JAK1: variants seen among roughly 807,000 people sequenced by gnomAD.
JAK1 encodes the protein tyrosine-protein kinase JAK1.
In JAK1, 16 loss-of-function variants were observed where a neutral mutation model predicts 136.6. The ratio of observed to expected loss-of-function variants is 0.12; its 90% CI spans 0.08 to 0.18. The LOEUF is 0.18. JAK1 is among the 10% of genes least tolerant of loss of function. JAK1 has a pLI of 1.00. For synonymous variants in JAK1, 492 were observed against 519.5 expected (o/e 0.95, Z 0.72); for missense variants, 859 against 1,450.1 (o/e 0.59, Z 6.62).
intron 2 of JAK1, among the ~76,000 whole-genome samples, chr1:65,019,579 A>G (rs563537047): frequency 1.6e-4 from 25 of 152,224 alleles, no homozygotes; most frequent in Non-Finnish European, 3.1e-4. Context: ...GTACCTACAG[A>G]AAATCTGTAG....
At chr1:65,007,620 C>G (rs1004933002) in intron 2 of JAK1, among the ~76,000 whole-genome samples, 6 of 152,014 alleles carry the variant, frequency 3.9e-5, no homozygotes, top group African/African-American at 1.4e-4. Flanking sequence ...GCCACCACGC[C>G]CAGCTAATTT....
In JAK1 at chr1:65,067,135, A is replaced by C. The variant is rs150613722; in HGVS notation, c.-181+469T>G. 5.3e-5 allele frequency among the ~76,000 whole-genome samples: 8 copies of C among 151,630 alleles called. No individual in the cohort carries two copies. The East Asian group carries it at 7.9e-4, about 15-fold the overall frequency. ...CCTCGCAGTCGGTCCCGGAGTGCGG[A>C]GGCCCGGCCCGGCCCGCCCCGCGCC... On this transcript the variant is annotated intron_variant, in intron 1 of 25. Coordinates refer to the JAK1 transcript ENST00000671954.
At chr1:64,852,671 C>T (rs928386356) in intron 11 of JAK1, among the ~76,000 whole-genome samples, 2 of 152,196 alleles carry the variant, frequency 1.3e-5, no homozygotes, top group African/African-American at 4.8e-5. Context: ...CTTCAGGGAA[C>T]ATGGCACCAG....
At chr1:65,042,314 A>C (rs1179131531) in intron 2 of JAK1, among the ~76,000 whole-genome samples, 3 of 152,050 alleles carry the variant, frequency 2.0e-5, no homozygotes, top group African/African-American at 7.2e-5. Flanking sequence ...ACCTGAGGGA[A>C]TCCTGAACCA....
intron 1 of JAK1, among the ~76,000 whole-genome samples, chr1:64,907,038 G>A (rs1208346859): frequency 1.3e-5 from 2 of 150,776 alleles, no homozygotes; most frequent in African/African-American, 4.9e-5. Context: ...TGGATCCAAA[G>A]TACAGTAAAC....
intron 1 of JAK1, among the ~76,000 whole-genome samples, chr1:65,067,415 C>G (rs1000676430): frequency 1.8e-4 from 27 of 148,684 alleles, no homozygotes; most frequent in African/African-American, 6.1e-4. Context: ...CCGGCTCCGA[C>G]GCGCCGCGAG....
rs528762449 is a variant in JAK1 at position 64,983,797 on chromosome 1, C to A, written c.-78+60683G>T. Among the ~76,000 whole-genome samples, 4 of 152,296 alleles carry A rather than the reference C, an allele frequency of 2.6e-5. No homozygotes were observed. The South Asian group carries it at 8.3e-4, about 32-fold the overall frequency. ...TAATAATCCTGGACTTCAAGTAATA[C>A]TACATATAAACTATAATTTTAAAGA... On this transcript the variant is annotated intron_variant, in intron 2 of 25. Transcript: ENST00000671954.
Position 64,950,563 on chromosome 1 carries a change from G to C in JAK1, c.-78+15770C>G, listed in dbSNP as rs1012764990. 6.6e-5 allele frequency among the ~76,000 whole-genome samples: 10 copies of C among 152,262 alleles called. No homozygotes were observed. The East Asian group carries it at 1.2e-3, about 18-fold the overall frequency. On this transcript the variant is annotated intron_variant, in intron 1 of 24. Coordinates refer to ENST00000342505, the MANE Select transcript of JAK1 (RefSeq NM_002227.4). ...GAACAAACATCCACACAAGTTCAGT[G>C]CTAGCCATCCGGCCAGCCCTTGGAC...
Position 64,850,271 on chromosome 1 carries a change from G to A in JAK1, c.1755+533C>T, listed in dbSNP as rs928356802. ...CCCCTGGGGAGATCCTGGGCTCCCC[G>A]CTCAGCCTGTAGATTCTGGGCAAAA... On this transcript the variant is annotated intron_variant, in intron 12 of 24. Coordinates refer to ENST00000342505, the MANE Select transcript of JAK1 (RefSeq NM_002227.4). 4.6e-5 allele frequency among the ~76,000 whole-genome samples: 7 copies of A among 152,292 alleles called. No individual in the cohort carries two copies. The South Asian group carries it at 1.5e-3, about 32-fold the overall frequency.
intron 2 of JAK1, among the ~76,000 whole-genome samples, chr1:64,998,950 TTAAC>T (rs1217541425): frequency 6.6e-6 from 1 of 152,238 alleles, no homozygotes; most frequent in Non-Finnish European, 1.5e-5. Context: ...AGGACCAAAC[TTAAC>T]TAACAATAAC....
chr1:64,962,568 AG>A, intron 1 of JAK1, among the ~76,000 whole-genome samples: 1 of 152,320 alleles, frequency 6.6e-6, no homozygotes, highest in East Asian at 1.9e-4. Flanking sequence ...TGCACCTCAG[AG>A]GAAAGAATAC....
chr1:65,012,101 T>C (rs1043549692), intron 2 of JAK1, among the ~76,000 whole-genome samples: 2 of 152,202 alleles, frequency 1.3e-5, no homozygotes, highest in African/African-American at 4.8e-5. Flanking sequence ...CTGGCTCAGC[T>C]GAGAGACAAC....
rs945852573 is a variant in JAK1 at position 64,995,477 on chromosome 1, G to T, written c.-78+49003C>A. Among the ~76,000 whole-genome samples the T allele has an allele frequency of 2.1e-4, 32 of 152,114 alleles. 1 individual carries two copies. The highest frequency in any genetic ancestry group is 7.2e-4 in the African/African-American group (30 of 41,402). ...GGCCTTCCAACACAATAAGCCTGTAGGTATTTCAAAATCTTGACATGCCTG... is the reference window on the plus strand; with the variant it reads ...GGCCTTCCAACACAATAAGCCTGTATGTATTTCAAAATCTTGACATGCCTG... On this transcript the variant is annotated intron_variant, in intron 2 of 25. Coordinates refer to the JAK1 transcript ENST00000671954.
intron 24 of JAK1, among the ~76,000 whole-genome samples, chr1:64,835,117 T>G (rs1654389664): frequency 6.6e-6 from 1 of 152,222 alleles, no homozygotes; most frequent in African/African-American, 2.4e-5. Flanking sequence ...TTTGTCACAC[T>G]AAGGCTACAC....
Position 64,873,542 on chromosome 1 carries a change from A to T in JAK1, c.330-19T>A, listed in dbSNP as rs777279637. 6.2e-7 allele frequency: 1 copy of T among 1,614,022 alleles called. No homozygotes were observed. Among genetic ancestry groups the T allele is most frequent in the Non-Finnish European group, 8.5e-7 (1 of 1,179,898 alleles). ...ATAGAACCTGGAAGGCAGGAAAATG[A>T]ATGCCAATTGTGGCAAAGGGGACCC... On this transcript the variant is annotated intron_variant, in intron 4 of 24. Coordinates refer to ENST00000342505, the MANE Select transcript of JAK1 (RefSeq NM_002227.4).
At chr1:64,970,009 G>A (rs1294943506), upstream of JAK1, among the ~76,000 whole-genome samples, 1 of 151,778 alleles carries the variant, frequency 6.6e-6, no homozygotes, top group Non-Finnish European at 1.5e-5. Context: ...GGTGGCACAT[G>A]CCTGTGGTCC....
At chr1:64,848,021 C>G (rs1303412351) in intron 12 of JAK1, 2 of 210,556 alleles carry the variant, frequency 9.5e-6, no homozygotes, top group Non-Finnish European at 1.9e-5. Context: ...CACCCCAGGC[C>G]TCCAGAGAAG....
At chr1:65,062,343 CAGCT>C (rs1647829927) in intron 1 of JAK1, among the ~76,000 whole-genome samples, 1 of 152,196 alleles carries the variant, frequency 6.6e-6, no homozygotes, top group Non-Finnish European at 1.5e-5. Context: ...TTTTATATGC[CAGCT>C]AACTTCGGAA....
intron 2 of JAK1, among the ~76,000 whole-genome samples, chr1:65,036,094 G>A (rs952796068): frequency 4.0e-5 from 6 of 151,868 alleles, no homozygotes; most frequent in Admixed American, 3.9e-4. Context: ...GTGACAGTTT[G>A]GGATGATGAA....
Sources: allele counts gnomAD v4.1 joint callset (sites outside exome capture counted in the v4.1 genomes callset), GRCh38; gene constraint gnomAD v4.1.1; transcripts MANE v1.5; gene names NCBI Gene and HGNC (gene_info 2026-07-23, HGNC 2026-07-21).